NALF1: variants seen among roughly 807,000 people sequenced by gnomAD.
NALF1 encodes the protein family with sequence similarity 155 member A.
A neutral mutation model predicts 48.4 loss-of-function variants in NALF1; 3 were observed. That is an observed-to-expected ratio of 0.06 (90% CI 0.03 to 0.16). The LOEUF (loss-of-function observed/expected upper bound fraction) is 0.16, where lower values mean the gene tolerates loss of function less well. NALF1 is among the 10% of genes least tolerant of loss of function. NALF1 has a pLI of 1.00. For missense variants in NALF1, 526 were observed against 571.5 expected (o/e 0.92, Z 0.81); for synonymous variants, 262 against 245.7 (o/e 1.07, Z -0.62).
chr13:107,810,083 G>T (rs966360432), intron 1 of NALF1, among the ~76,000 whole-genome samples: 18 of 151,994 alleles, frequency 1.2e-4, no homozygotes, highest in African/African-American at 4.3e-4. Flanking sequence ...TTCCTAGAAA[G>T]AAATTTACAT....
intron 1 of NALF1, among the ~76,000 whole-genome samples, chr13:107,646,034 T>A (rs916645849): frequency 6.6e-6 from 1 of 152,150 alleles, no homozygotes; most frequent in Non-Finnish European, 1.5e-5. Flanking sequence ...GAAAACAGGA[T>A]GCAGCAAACT....
chr13:107,475,986 C>T (rs2139056523), intron 1 of NALF1, among the ~76,000 whole-genome samples: 1 of 152,144 alleles, frequency 6.6e-6, no homozygotes, highest in Admixed American at 6.6e-5. Flanking sequence ...AATCACTGGA[C>T]ATAATGCTTC....
chr13:107,772,227 T>C (rs1479239658), intron 1 of NALF1, among the ~76,000 whole-genome samples: 1 of 152,116 alleles, frequency 6.6e-6, no homozygotes, highest in Non-Finnish European at 1.5e-5. Context: ...CTTTGGCTAC[T>C]TTACTTTCTT....
At chr13:107,660,473 AC>A (rs758935104) in intron 1 of NALF1, among the ~76,000 whole-genome samples, 9,486 of 127,040 alleles carry the variant, frequency 0.075, 412 homozygotes, top group African/African-American at 0.15. Context: ...ACACACACAC[AC>A]ACACACACAC....
At chr13:107,375,827 T>G (rs1203338488) in intron 1 of NALF1, among the ~76,000 whole-genome samples, 1 of 151,166 alleles carries the variant, frequency 6.6e-6, no homozygotes, top group Non-Finnish European at 1.5e-5. Flanking sequence ...GGGTAGGGAG[T>G]AGTATTGGGA....
At chr13:107,615,193 T>C (rs1879347206) in intron 1 of NALF1, among the ~76,000 whole-genome samples, 2 of 152,236 alleles carry the variant, frequency 1.3e-5, no homozygotes, top group South Asian at 2.1e-4. Flanking sequence ...ACTAACACTT[T>C]ATACATTCAT....
At chr13:107,721,986 C>T (rs917565200) in intron 1 of NALF1, among the ~76,000 whole-genome samples, 2 of 152,158 alleles carry the variant, frequency 1.3e-5, no homozygotes, top group Non-Finnish European at 2.9e-5. Context: ...GGGTTCCCCC[C>T]CTCTTGCCTT....
rs9559087 is a variant in NALF1, at chr13:107,601,399, G to A, written c.915+264283C>T. Among the ~76,000 whole-genome samples the A allele has an allele frequency of 0.022, 3,367 of 152,218 alleles. 215 individuals are homozygous for A. In the East Asian group the frequency reaches 0.26, roughly 12 times the overall value. On this transcript the variant is annotated intron_variant, in intron 1 of 2. Transcript: ENST00000375915. ...TGGACATTGGGCTGAGAGATGGAGC[G>A]ACTTTTCTTGAGATATGTATCCAAC...
chr13:107,568,700 T>C (rs1162855996), intron 1 of NALF1, among the ~76,000 whole-genome samples: 1 of 152,248 alleles, frequency 6.6e-6, no homozygotes, highest in Non-Finnish European at 1.5e-5. Context: ...TACTGGTTAA[T>C]GATGAAGATC....
intron 1 of NALF1, among the ~76,000 whole-genome samples, chr13:107,548,041 A>G (rs1366776193): frequency 6.6e-6 from 1 of 152,022 alleles, no homozygotes; most frequent in Non-Finnish European, 1.5e-5. Context: ...CTCGTGTCAC[A>G]GGCATTTATT....
intron 1 of NALF1, among the ~76,000 whole-genome samples, chr13:107,706,417 T>C (rs919318031): frequency 6.6e-6 from 1 of 152,176 alleles, no homozygotes; most frequent in African/African-American, 2.4e-5. Flanking sequence ...AATAAGACAT[T>C]ATAGTATATT....
At chr13:107,675,332 G>A (rs927794401) in intron 1 of NALF1, among the ~76,000 whole-genome samples, 100 of 152,236 alleles carry the variant, frequency 6.6e-4, no homozygotes, top group African/African-American at 2.3e-3. Flanking sequence ...AATTCTCACT[G>A]TACCTGCGCA....
intron 1 of NALF1, among the ~76,000 whole-genome samples, chr13:107,694,845 T>C (rs982070243): frequency 2.0e-5 from 3 of 151,916 alleles, no homozygotes; most frequent in Non-Finnish European, 2.9e-5. Flanking sequence ...CAGGCTAGAA[T>C]GCTGTAGCAC....
intron 1 of NALF1, among the ~76,000 whole-genome samples, chr13:107,570,515 A>G (rs553146232): frequency 1.3e-5 from 2 of 151,582 alleles, no homozygotes; most frequent in African/African-American, 4.8e-5. Context: ...GAACCAGCCT[A>G]GTATTCCTGA....
At chr13:107,550,395 G>A (rs1877259169) in intron 1 of NALF1, among the ~76,000 whole-genome samples, 1 of 152,048 alleles carries the variant, frequency 6.6e-6, no homozygotes, top group African/African-American at 2.4e-5. Context: ...ATGAACAACT[G>A]AGTGAAGCTT....
Position 107,580,125 on chromosome 13 carries a change from T to C in NALF1, c.915+285557A>G, listed in dbSNP as rs574798720. Among the ~76,000 whole-genome samples, 3 of 152,166 alleles carry C rather than the reference T, an allele frequency of 2.0e-5. No homozygotes were observed. The South Asian group carries it at 6.2e-4, about 32-fold the overall frequency. Reference sequence around the variant, plus strand: ...TGGAATACTATGCAGCCATAAAAAATGATGAGTTCATGTCCTTTGTAGGGA... The same window carrying C: ...TGGAATACTATGCAGCCATAAAAAACGATGAGTTCATGTCCTTTGTAGGGA... On this transcript the variant is annotated intron_variant, in intron 1 of 2. Coordinates refer to ENST00000375915, the MANE Select transcript of NALF1 (RefSeq NM_001080396.3).
At chr13:107,657,746 G>A (rs1317778094) in intron 1 of NALF1, among the ~76,000 whole-genome samples, 5 of 152,154 alleles carry the variant, frequency 3.3e-5, no homozygotes, top group Non-Finnish European at 4.4e-5. Flanking sequence ...TTGTTATTTC[G>A]AGGTATATGC....
At chr13:107,347,956 G>A (rs1055152356) in intron 1 of NALF1, among the ~76,000 whole-genome samples, 3 of 152,152 alleles carry the variant, frequency 2.0e-5, no homozygotes, top group Non-Finnish European at 4.4e-5. Context: ...CTTGGGTCTC[G>A]CTTGTCACAC....
intron 1 of NALF1, among the ~76,000 whole-genome samples, chr13:107,508,376 T>A (rs537636432): frequency 6.6e-6 from 1 of 150,950 alleles, no homozygotes; most frequent in Non-Finnish European, 1.5e-5. Flanking sequence ...ATGACATTAA[T>A]ATAATGTATT....
Sources: allele counts gnomAD v4.1 joint callset (sites outside exome capture counted in the v4.1 genomes callset), GRCh38; gene constraint gnomAD v4.1.1; transcripts MANE v1.5; gene names NCBI Gene and HGNC (gene_info 2026-07-23, HGNC 2026-07-21).